RASEF: variants seen among roughly 807,000 people sequenced by gnomAD.
The protein encoded by RASEF is ras and EF-hand domain-containing protein.
In RASEF, 68 loss-of-function variants were observed where a neutral mutation model predicts 90.1. The ratio of observed to expected loss-of-function variants is 0.75; its 90% confidence interval spans 0.62 to 0.92. RASEF has a LOEUF of 0.92. Ranked by LOEUF, RASEF falls within the 40% of genes least tolerant of loss-of-function variation. RASEF has a pLI of 0.00. For missense variants in RASEF, 949 were observed against 937.2 expected, an observed-to-expected ratio of 1.01 and a Z score of -0.16; for synonymous variants, 331 against 345.2, an observed-to-expected ratio of 0.96 and a Z score of 0.46.
chr9:83,025,472 C>G (rs73469435), intron 2 of RASEF, among the ~76,000 whole-genome samples: 4,514 of 152,314 alleles, frequency 0.03, 203 homozygotes, highest in African/African-American at 0.1. Flanking sequence ...CCATCTACTT[C>G]TCTAGATAAA....
At chr9:83,020,028 T>C (rs527494336) in intron 3 of RASEF, among the ~76,000 whole-genome samples, 9 of 152,306 alleles carry the variant, frequency 5.9e-5, no homozygotes, top group Admixed American at 3.3e-4. Context: ...TCATGGTGCA[T>C]ACATATGTCC....
At chr9:83,169,903 C>T in the RASEF span, among the ~76,000 whole-genome samples, 1 of 151,688 alleles carries the variant, frequency 6.6e-6, no homozygotes, top group East Asian at 1.9e-4. Context: ...TGATTGTTTC[C>T]TTTGTTGGGC....
intron 14 of RASEF, 60 bp from the exon 15 acceptor site, chr9:82,993,085 A>G (rs1450585763): frequency 6.4e-7 from 1 of 1,555,408 alleles, no homozygotes; most frequent in Non-Finnish European, 8.7e-7. Context: ...TACGATGACC[A>G]CAGAACAACA....
At chr9:83,077,014 A>G in the RASEF span, among the ~76,000 whole-genome samples, 1 of 152,212 alleles carries the variant, frequency 6.6e-6, no homozygotes, top group Non-Finnish European at 1.5e-5. Flanking sequence ...AAAGAAACTA[A>G]TGTATTTTCT....
At chr9:83,156,369 A>G in the RASEF span, among the ~76,000 whole-genome samples, 1 of 152,182 alleles carries the variant, frequency 6.6e-6, no homozygotes, top group Non-Finnish European at 1.5e-5. Context: ...GCTACCTGAT[A>G]AAGGGACACT....
At chr9:83,181,357 A>T in the RASEF span, among the ~76,000 whole-genome samples, 1 of 152,124 alleles carries the variant, frequency 6.6e-6, no homozygotes, top group Non-Finnish European at 1.5e-5. Context: ...AGCAGATTTC[A>T]TCTCTATATG....
chr9:83,001,816 A>C (rs1284319386), intron 9 of RASEF, among the ~76,000 whole-genome samples: 1 of 152,192 alleles, frequency 6.6e-6, no homozygotes, highest in African/African-American at 2.4e-5. Context: ...AATTAGAAAC[A>C]TGACTGGAAT....
At chr9:83,170,789 G>T in the RASEF span, among the ~76,000 whole-genome samples, 1 of 151,800 alleles carries the variant, frequency 6.6e-6, no homozygotes, top group Non-Finnish European at 1.5e-5. Flanking sequence ...AACTTTACTG[G>T]ATTCCTTTAC....
chr9:83,073,817 C>G, the RASEF span, among the ~76,000 whole-genome samples: 1 of 152,276 alleles, frequency 6.6e-6, no homozygotes, highest in African/African-American at 2.4e-5. Flanking sequence ...GAGTTAAAAC[C>G]ATTACAAACC....
the RASEF span, among the ~76,000 whole-genome samples, chr9:83,166,290 T>C: frequency 1.3e-5 from 2 of 152,084 alleles, no homozygotes; most frequent in Non-Finnish European, 2.9e-5. Context: ...GATACAGCAA[T>C]GTATTTAAAA....
chr9:83,025,688 G>T, intron 2 of RASEF, 87 bp downstream of exon 2: 1 of 1,326,584 alleles, frequency 7.5e-7, no homozygotes, highest in Non-Finnish European at 1.1e-6. Context: ...ATCATAGTGT[G>T]ACAATGCAGT....
chr9:83,218,121 GA>G, the RASEF span, among the ~76,000 whole-genome samples: 1 of 152,178 alleles, frequency 6.6e-6, no homozygotes, highest in African/African-American at 2.4e-5. Context: ...ATGAGTGAAT[GA>G]ATTTGGCTAG....
chr9:83,174,700 G>A, the RASEF span, among the ~76,000 whole-genome samples: 2 of 152,156 alleles, frequency 1.3e-5, no homozygotes, highest in East Asian at 1.9e-4. Flanking sequence ...GCATTTTGTT[G>A]AGCATTGAGT....
chr9:83,020,185 A>G (rs1283842083), intron 3 of RASEF, among the ~76,000 whole-genome samples: 2 of 152,218 alleles, frequency 1.3e-5, no homozygotes, highest in East Asian at 3.9e-4. Flanking sequence ...GAAGAGGTGA[A>G]TGTGGCTACA....
the RASEF span, among the ~76,000 whole-genome samples, chr9:83,179,635 T>C: frequency 6.6e-6 from 1 of 152,208 alleles, no homozygotes; most frequent in African/African-American, 2.4e-5. Flanking sequence ...TATAGTGTAT[T>C]AGGTGCATAA....
chr9:83,207,671 A>G, the RASEF span, among the ~76,000 whole-genome samples: 1 of 132,264 alleles, frequency 7.6e-6, no homozygotes, highest in East Asian at 2.2e-4. Flanking sequence ...GCAGTGGCGC[A>G]ATCTCAGCTC....
chr9:83,126,658 C>A, the RASEF span, among the ~76,000 whole-genome samples: 1 of 152,188 alleles, frequency 6.6e-6, no homozygotes, highest in African/African-American at 2.4e-5. Flanking sequence ...CCTGGGAGGA[C>A]TCTCAGTAGC....
upstream of RASEF, among the ~76,000 whole-genome samples, chr9:83,064,632 A>C (rs4877726): frequency 0.62 from 94,591 of 152,074 alleles, 30,285 homozygotes; most frequent in East Asian, 0.78. Flanking sequence ...ACTGCTTAGG[A>C]AGAAGTGCTT....
At chr9:83,149,514 T>C in the RASEF span, among the ~76,000 whole-genome samples, 3 of 152,086 alleles carry the variant, frequency 2.0e-5, no homozygotes, top group South Asian at 6.2e-4. Flanking sequence ...TAAGAAGGCA[T>C]TGAGGCAGGA....
Sources: gnomAD v4.1 joint callset for allele counts (sites outside exome capture counted in the v4.1 genomes callset) on GRCh38, gnomAD v4.1.1 for gene constraint, MANE v1.5 for transcripts, NCBI Gene and HGNC (gene_info 2026-07-23, HGNC 2026-07-21) for gene names.